Variants in RIMS2 observed in about 807,000 individuals in gnomAD.
RIMS2 encodes the protein regulating synaptic membrane exocytosis 2.
In RIMS2, 59 loss-of-function variants were observed where a neutral mutation model predicts 174.4. The observed-to-expected ratio is 0.34, with a 90% confidence interval of 0.27 to 0.42. The LOEUF is 0.42. RIMS2 is among the 10% of genes least tolerant of loss of function. The pLI, the probability that RIMS2 is intolerant of heterozygous loss-of-function variation, is 1.00. For missense variants in RIMS2, 1,620 were observed against 1,666.3 expected (o/e 0.97, Z 0.48); for synonymous variants, 606 against 572.5 (o/e 1.06, Z -0.84).
chr8:103,780,577 ATTT>A (rs1456271497), intron 3 of RIMS2, among the ~76,000 whole-genome samples: 1 of 151,882 alleles, frequency 6.6e-6, no homozygotes, highest in Non-Finnish European at 1.5e-5. Context: ...CAGTTGCAAG[ATTT>A]TTGTTTTTTA....
At chr8:103,535,138 C>T (rs566723585) in intron 1 of RIMS2, among the ~76,000 whole-genome samples, 19 of 152,258 alleles carry the variant, frequency 1.2e-4, no homozygotes, top group African/African-American at 4.1e-4. Context: ...CAACAACTAC[C>T]TTTATCATCA....
At chr8:104,005,275 G>A (rs534766666) in intron 17 of RIMS2, among the ~76,000 whole-genome samples, 1 of 152,334 alleles carries the variant, frequency 6.6e-6, no homozygotes, top group African/African-American at 2.4e-5. Flanking sequence ...GAATGCTTAA[G>A]AGAAGTAAGG....
chr8:103,672,545 AG>A (rs944874286), intron 1 of RIMS2, among the ~76,000 whole-genome samples: 5 of 151,914 alleles, frequency 3.3e-5, no homozygotes, highest in Non-Finnish European at 7.4e-5. Flanking sequence ...TGGCTAGAAC[AG>A]GAAGAAGAGA....
intron 19 of RIMS2, among the ~76,000 whole-genome samples, chr8:104,223,068 GAA>G (rs1237520819): frequency 6.6e-6 from 1 of 152,198 alleles, no homozygotes; most frequent in Non-Finnish European, 1.5e-5. Context: ...TGAGGAAAGG[GAA>G]AGTGACTACC....
At chr8:103,685,100 TTTTC>T (rs1385854476) in intron 1 of RIMS2, among the ~76,000 whole-genome samples, 2 of 145,826 alleles carry the variant, frequency 1.4e-5, no homozygotes, top group Admixed American at 6.7e-5. Flanking sequence ...TGGATTTTCT[TTTTC>T]TTTTTTTTTT....
At position 103,734,014 on chromosome 8, in the gene RIMS2, CTTT is replaced by C. The variant is rs59348302; in HGVS notation, c.388-32190_388-32188del. 1.4e-3 allele frequency among the ~76,000 whole-genome samples: 116 copies of C among 85,730 alleles called. 2 individuals carry two copies. The highest frequency in any genetic ancestry group is 4.6e-3 in the Admixed American group (29 of 6,252). The allele number at this position is 85,730 out of a possible 152,430, so 56.2% of individuals were successfully genotyped here. On this transcript the variant is annotated intron_variant, in intron 2 of 23. Transcript: ENST00000504942. ...CTTGCTTTACCTCTCCTAAAAGCTTCTTTTTTTTTTTTTTTTTTTTTTTTTCCC... is the reference window on the plus strand; with the variant it reads ...CTTGCTTTACCTCTCCTAAAAGCTTCTTTTTTTTTTTTTTTTTTTTTTCCC...
chr8:103,695,645 T>G (rs963650442), intron 1 of RIMS2, among the ~76,000 whole-genome samples: 4 of 149,810 alleles, frequency 2.7e-5, no homozygotes, highest in Non-Finnish European at 6.0e-5. Flanking sequence ...TTTTAAATTT[T>G]ATTTATTTTT....
Position 103,579,290 on chromosome 8 carries a change from G to GAC in RIMS2, c.176+78245_176+78246dup, listed in dbSNP as rs756018657. On this transcript the variant is annotated intron_variant, in intron 1 of 23. Coordinates refer to ENST00000504942, the Ensembl canonical transcript of RIMS2. ...ACACACACAGACACACACACACACA[G>GAC]ACACACACACACACACACGAAATGC... Among the ~76,000 whole-genome samples the GAC allele has an allele frequency of 1.4e-3, 182 of 127,048 alleles. 1 individual carries two copies. Among genetic ancestry groups the GAC allele is most frequent in the African/African-American group, 3.6e-3 (117 of 32,270 alleles). The allele number at this position is 127,048 out of a possible 152,430, so 83.3% of individuals were successfully genotyped here.
chr8:103,617,830 C>T (rs2095541749), intron 1 of RIMS2, among the ~76,000 whole-genome samples: 2 of 152,052 alleles, frequency 1.3e-5, no homozygotes, highest in Non-Finnish European at 2.9e-5. Flanking sequence ...GTCAGAATGG[C>T]TGTTACTGAA....
intron 2 of RIMS2, among the ~76,000 whole-genome samples, chr8:103,723,294 T>G (rs1458812357): frequency 2.6e-5 from 4 of 152,232 alleles, no homozygotes; most frequent in African/African-American, 9.6e-5. Flanking sequence ...CTTTTGGACT[T>G]GTATTGGTGT....
rs35882328 is a variant in RIMS2 at position 103,580,445 on chromosome 8, A to ATGTG, written c.176+79405_176+79408dup. Reference sequence around the variant, plus strand: ...GTAAAAACAAAGACTATATGTGTGCATGTGTGTGTGTGTGTGTGTGTGTGT... The same window carrying ATGTG: ...GTAAAAACAAAGACTATATGTGTGCATGTGTGTGTGTGTGTGTGTGTGTGTGTGT... On this transcript the variant is annotated intron_variant, in intron 1 of 23. Transcript: ENST00000504942. Among the ~76,000 whole-genome samples, 64 of 149,762 alleles carry ATGTG rather than the reference A, an allele frequency of 4.3e-4. 1 individual carries two copies. The Middle Eastern group carries it at 0.017, about 40-fold the overall frequency.
intron 1 of RIMS2, among the ~76,000 whole-genome samples, chr8:103,546,768 G>T (rs769905490): frequency 6.6e-6 from 1 of 152,072 alleles, no homozygotes; most frequent in East Asian, 1.9e-4. Context: ...TCTCTGCAGG[G>T]GTGCTGGCTG....
intron 1 of RIMS2, among the ~76,000 whole-genome samples, chr8:103,506,049 A>G (rs751296099): frequency 5.6e-4 from 85 of 152,128 alleles, no homozygotes; most frequent in Non-Finnish European, 9.9e-4. Context: ...TCCCTATTCT[A>G]GTATTTTTAA....
chr8:103,523,107 C>T (rs572801388), intron 1 of RIMS2, among the ~76,000 whole-genome samples: 80 of 150,074 alleles, frequency 5.3e-4, no homozygotes, highest in Non-Finnish European at 9.7e-4. Context: ...TGTGTGTGTG[C>T]ATGTGTGTGT....
intron 19 of RIMS2, among the ~76,000 whole-genome samples, chr8:104,160,075 G>A (rs1478784150): frequency 6.6e-6 from 1 of 151,888 alleles, no homozygotes; most frequent in Non-Finnish European, 1.5e-5. Flanking sequence ...GAAGGCAGAG[G>A]TTGCAGTGAG....
At chr8:104,060,261 C>G (rs201151503) in intron 19 of RIMS2, among the ~76,000 whole-genome samples, 2,024 of 149,610 alleles carry the variant, frequency 0.014, 28 homozygotes, top group Middle Eastern at 0.11. Context: ...TGTTATTGGT[C>G]TATTCAGAGA....
At chr8:104,109,461 C>T (rs2098138218) in intron 19 of RIMS2, among the ~76,000 whole-genome samples, 1 of 150,094 alleles carries the variant, frequency 6.7e-6, no homozygotes, top group Non-Finnish European at 1.5e-5. Flanking sequence ...AAATAAAAGC[C>T]ACTCTCTTCA....
chr8:103,875,700 AGGCTGT>A (rs2099132990), intron 3 of RIMS2, among the ~76,000 whole-genome samples: 1 of 152,038 alleles, frequency 6.6e-6, no homozygotes, highest in Non-Finnish European at 1.5e-5. Context: ...TTTTCCATAG[AGGCTGT>A]ACTAATTTAC....
At chr8:103,789,661 T>G (rs1160916244) in intron 3 of RIMS2, among the ~76,000 whole-genome samples, 2 of 152,084 alleles carry the variant, frequency 1.3e-5, no homozygotes, top group Non-Finnish European at 2.9e-5. Context: ...TGCAAATACT[T>G]TTCCCCAGTT....
Sources: allele counts gnomAD v4.1 joint callset (sites outside exome capture counted in the v4.1 genomes callset), GRCh38; gene constraint gnomAD v4.1.1; transcripts MANE v1.5; gene names NCBI Gene and HGNC (gene_info 2026-07-23, HGNC 2026-07-21).